The following QTGAL variants were observed in gnomAD, a reference collection of about 807,000 sequenced individuals.
QTGAL encodes queuosine-tRNA galactosyltransferase.
the QTGAL span, chr17:82,957,612 C>T: frequency 7.4e-7 from 1 of 1,343,366 alleles, no homozygotes; most frequent in Non-Finnish European, 1.0e-6. Flanking sequence ...GACACCTGGC[C>T]CAATGCCTAA....
At chr17:82,957,495 C>T in the QTGAL span, 6 of 1,599,678 alleles carry the variant, frequency 3.8e-6, no homozygotes, top group African/African-American at 8.0e-5. Flanking sequence ...GATGGTCGTC[C>T]TGCGGTGGAG....
chr17:83,014,034 G>T, the QTGAL span, among the ~76,000 whole-genome samples: 3 of 152,184 alleles, frequency 2.0e-5, no homozygotes, highest in Non-Finnish European at 2.9e-5. Context: ...GCACTGCTGG[G>T]CTGAGGAGGG....
chr17:82,995,082 A>G, the QTGAL span, among the ~76,000 whole-genome samples: 1 of 152,258 alleles, frequency 6.6e-6, no homozygotes, highest in African/African-American at 2.4e-5. Context: ...AATTAGTATC[A>G]TATTGAATGA....
At chr17:83,033,563 CCGGGTT>C in the QTGAL span, among the ~76,000 whole-genome samples, 1 of 151,580 alleles carries the variant, frequency 6.6e-6, no homozygotes, top group Non-Finnish European at 1.5e-5. Flanking sequence ...GCTCCGCCTC[CCGGGTT>C]CACGCCATTC....
the QTGAL span, among the ~76,000 whole-genome samples, chr17:83,036,180 A>G: frequency 6.6e-6 from 1 of 152,240 alleles, no homozygotes; most frequent in Non-Finnish European, 1.5e-5. Flanking sequence ...CAGAATGGAA[A>G]AGCTGGAAAC....
the QTGAL span, among the ~76,000 whole-genome samples, chr17:82,970,607 G>GTGA: frequency 8.5e-4 from 111 of 129,990 alleles, 2 homozygotes; most frequent in African/African-American, 3.7e-3. Flanking sequence ...CGGCGTGGCC[G>GTGA]CGACCTCCCC....
chr17:83,027,120 C>T, the QTGAL span, among the ~76,000 whole-genome samples: 1 of 147,498 alleles, frequency 6.8e-6, no homozygotes, highest in South Asian at 2.3e-4. Context: ...GGGGAGCCTG[C>T]AGGCAAACCC....
At chr17:83,007,633 G>T in the QTGAL span, among the ~76,000 whole-genome samples, 1 of 152,162 alleles carries the variant, frequency 6.6e-6, no homozygotes, top group Non-Finnish European at 1.5e-5. Context: ...GCTGGGGCAT[G>T]AGAGGCGCCT....
the QTGAL span, chr17:82,947,150 C>T: frequency 3.5e-6 from 2 of 578,964 alleles, no homozygotes; most frequent in South Asian, 4.5e-5. Flanking sequence ...CCAGAGAGGG[C>T]AGCAGCCGGC....
the QTGAL span, among the ~76,000 whole-genome samples, chr17:82,973,168 C>T: frequency 1.2e-4 from 19 of 152,144 alleles, no homozygotes; most frequent in Non-Finnish European, 2.1e-4. Context: ...GACACTGTAC[C>T]GAGACCAAAG....
chr17:83,022,707 G>C, the QTGAL span, among the ~76,000 whole-genome samples: 1 of 11,548 alleles, frequency 8.7e-5, no homozygotes, highest in Admixed American at 9.1e-4. Context: ...ACTGTCCCCG[G>C]CCCACCTGCA....
chr17:82,965,831 G>A, the QTGAL span: 163 of 1,347,924 alleles, frequency 1.2e-4, no homozygotes, highest in African/African-American at 2.0e-3. Context: ...AAAGTGTCAC[G>A]AGAAAGTGAC....
chr17:83,049,387 A>G, the QTGAL span, among the ~76,000 whole-genome samples: 2 of 151,382 alleles, frequency 1.3e-5, no homozygotes, highest in African/African-American at 4.8e-5. Context: ...GTATCTTCCA[A>G]CTCACTCATG....
At chr17:82,950,470 A>G in the QTGAL span, among the ~76,000 whole-genome samples, 1 of 152,220 alleles carries the variant, frequency 6.6e-6, no homozygotes, top group Admixed American at 6.5e-5. Context: ...GCTGTTTCTG[A>G]AAAACTAAAC....
chr17:82,998,963 TA>T, the QTGAL span, among the ~76,000 whole-genome samples: 118,509 of 147,660 alleles, frequency 0.8, 47,514 homozygotes, highest in African/African-American at 0.88. Context: ...TAGCTAAAAT[TA>T]AAAAAAAAAA....
At chr17:82,971,297 G>A in the QTGAL span, among the ~76,000 whole-genome samples, 1 of 152,334 alleles carries the variant, frequency 6.6e-6, no homozygotes, top group South Asian at 2.1e-4. Flanking sequence ...ATAAGGACGC[G>A]CACAGACACC....
At chr17:83,002,988 C>T in the QTGAL span, among the ~76,000 whole-genome samples, 8 of 16,050 alleles carry the variant, frequency 5.0e-4, no homozygotes, top group African/African-American at 2.2e-3. Context: ...ATTCCTGAGC[C>T]CGCCCTCCCG....
At chr17:83,023,950 G>A in the QTGAL span, among the ~76,000 whole-genome samples, 28 of 152,358 alleles carry the variant, frequency 1.8e-4, no homozygotes, top group Non-Finnish European at 4.0e-4. Flanking sequence ...ATTTAAAAGT[G>A]CTTCCTCCCC....
At chr17:82,950,234 T>C in the QTGAL span, among the ~76,000 whole-genome samples, 87,870 of 152,096 alleles carry the variant, frequency 0.58, 25,509 homozygotes, top group East Asian at 0.63. Flanking sequence ...GAGGAACCTC[T>C]TTTCCCATGC....
Sources: allele counts gnomAD v4.1 joint callset (sites outside exome capture counted in the v4.1 genomes callset), GRCh38; gene constraint gnomAD v4.1.1; transcripts MANE v1.5; gene names NCBI Gene and HGNC (gene_info 2026-07-23, HGNC 2026-07-21).